Variants in CNTNAP2 observed in about 807,000 individuals in gnomAD.
CNTNAP2 encodes the protein contactin-associated protein-like 2.
CNTNAP2 carries 98 observed loss-of-function variants against 155.2 expected under a neutral mutation model. The ratio of observed to expected loss-of-function variants is 0.63; its 90% CI spans 0.54 to 0.75. CNTNAP2 has a LOEUF of 0.75. Ranked by LOEUF, CNTNAP2 falls within the 30% of genes least tolerant of loss-of-function variation. CNTNAP2 has a pLI of 0.00. For synonymous variants in CNTNAP2, 651 were observed against 631.2 expected (o/e 1.03, Z -0.47); for missense variants, 1,727 against 1,688.1 (o/e 1.02, Z -0.40).
At chr7:147,042,521 T>G (rs1331255958) in intron 3 of CNTNAP2, among the ~76,000 whole-genome samples, 2 of 152,188 alleles carry the variant, frequency 1.3e-5, no homozygotes, top group Non-Finnish European at 2.9e-5. Flanking sequence ...AGCCAGTGCT[T>G]TCAATTCCGA....
intron 9 of CNTNAP2, among the ~76,000 whole-genome samples, chr7:147,347,762 G>A (rs929378420): frequency 1.3e-5 from 2 of 151,888 alleles, no homozygotes; most frequent in African/African-American, 2.4e-5. Flanking sequence ...GAGGCTTTGC[G>A]TTACCTGACC....
intron 10 of CNTNAP2, among the ~76,000 whole-genome samples, chr7:147,440,752 G>GT (rs917690265): frequency 6.6e-6 from 1 of 152,056 alleles, no homozygotes; most frequent in Non-Finnish European, 1.5e-5. Context: ...TAGAGTGAAG[G>GT]TTTTTTCCTT....
intron 13 of CNTNAP2, among the ~76,000 whole-genome samples, chr7:147,852,292 C>T (rs908802339): frequency 2.6e-5 from 4 of 152,188 alleles, no homozygotes; most frequent in African/African-American, 9.6e-5. Flanking sequence ...TCCATCCACT[C>T]TTCCTATTTT....
At chr7:147,511,458 C>T (rs953820778) in intron 11 of CNTNAP2, among the ~76,000 whole-genome samples, 4 of 81,226 alleles carry the variant, frequency 4.9e-5, no homozygotes, top group African/African-American at 1.5e-4. Context: ...TTTAAAACAA[C>T]ATTTTTTTTT....
At chr7:147,553,485 A>G (rs889423317) in intron 11 of CNTNAP2, among the ~76,000 whole-genome samples, 1 of 152,166 alleles carries the variant, frequency 6.6e-6, no homozygotes, top group African/African-American at 2.4e-5. Flanking sequence ...TATCCAGTTT[A>G]TTTTTCTAAA....
intron 1 of CNTNAP2, among the ~76,000 whole-genome samples, chr7:146,413,852 TA>T (rs1418582083): frequency 6.6e-6 from 1 of 152,208 alleles, no homozygotes; most frequent in Non-Finnish European, 1.5e-5. Context: ...TTTTCTTTTT[TA>T]AAAGTTGAGC....
intron 1 of CNTNAP2, among the ~76,000 whole-genome samples, chr7:146,416,253 C>T (rs1795937004): frequency 6.6e-6 from 1 of 150,434 alleles, no homozygotes; most frequent in Non-Finnish European, 1.5e-5. Context: ...AATATATATA[C>T]ACACATATAT....
chr7:146,867,305 G>T (rs1795223914), intron 3 of CNTNAP2, among the ~76,000 whole-genome samples: 1 of 152,070 alleles, frequency 6.6e-6, no homozygotes, highest in African/African-American at 2.4e-5. Flanking sequence ...GTTTGCTAAG[G>T]ATGATGACCT....
chr7:148,274,562 G>A (rs1304479809), intron 21 of CNTNAP2, among the ~76,000 whole-genome samples: 1 of 152,176 alleles, frequency 6.6e-6, no homozygotes, highest in African/African-American at 2.4e-5. Flanking sequence ...ACAAAACCTG[G>A]ATGTTTAAGT....
Position 148,419,293 on chromosome 7 carries a change from G to T in CNTNAP2, c.*3677G>T, listed in dbSNP as rs758113507. 2.0e-5 allele frequency: 3 copies of T among 152,112 alleles called. No homozygotes were observed. The highest frequency in any genetic ancestry group is 4.4e-5 in the Non-Finnish European group (3 of 68,036). The allele number at this position is 152,112 out of a possible 1,614,324, so 9.4% of individuals were successfully genotyped here. On this transcript the variant is annotated 3_prime_UTR_variant, in exon 24 of 24. Transcript: ENST00000361727. The stretch of plus-strand genomic sequence containing the variant: ...TATTAAATTGAATTCAAGTAAGCCA[G>T]CCAAAGATAGGTCCTAAATTGCTAG...
At chr7:147,755,457 C>T (rs9655719) in intron 13 of CNTNAP2, among the ~76,000 whole-genome samples, 1,954 of 152,180 alleles carry the variant, frequency 0.013, 34 homozygotes, top group African/African-American at 0.043. Context: ...GAGTTTGAGA[C>T]CAACCTGCTC....
chr7:148,246,518 G>T (rs1796266243), intron 20 of CNTNAP2, among the ~76,000 whole-genome samples: 1 of 152,004 alleles, frequency 6.6e-6, no homozygotes, highest in African/African-American at 2.4e-5. Flanking sequence ...AAGCAACTGG[G>T]GTTGCTTTAC....
At chr7:148,375,774 C>CTCATAATATCACATCGCCCTCCCCAA (rs1585319970) in intron 21 of CNTNAP2, among the ~76,000 whole-genome samples, 9 of 76,570 alleles carry the variant, frequency 1.2e-4, no homozygotes, top group South Asian at 8.0e-4. Flanking sequence ...GCAGGTGGAT[C>CTCATAATATCACATCGCCCTCCCCAA]ACGAGGTCAG....
chr7:146,628,180 A>G (rs1010233354), intron 1 of CNTNAP2, among the ~76,000 whole-genome samples: 1 of 152,168 alleles, frequency 6.6e-6, no homozygotes, highest in Non-Finnish European at 1.5e-5. Context: ...CTATCACCTC[A>G]GCATGCAGAC....
chr7:146,279,799 TG>T (rs1800221625), intron 1 of CNTNAP2, among the ~76,000 whole-genome samples: 1 of 151,666 alleles, frequency 6.6e-6, no homozygotes, highest in African/African-American at 2.4e-5. Context: ...AAAAATAATA[TG>T]CATAATAATT....
At chr7:146,767,805 A>G (rs2129184906) in intron 1 of CNTNAP2, among the ~76,000 whole-genome samples, 1 of 152,270 alleles carries the variant, frequency 6.6e-6, no homozygotes, top group Non-Finnish European at 1.5e-5. Context: ...ACTGGGTCAA[A>G]ACAGGAAAAG....
intron 1 of CNTNAP2, among the ~76,000 whole-genome samples, chr7:146,456,626 A>G (rs1485686036): frequency 6.6e-6 from 1 of 152,136 alleles, no homozygotes; most frequent in Non-Finnish European, 1.5e-5. Context: ...TTTAATTTTT[A>G]ATTAATCTTC....
intron 13 of CNTNAP2, among the ~76,000 whole-genome samples, chr7:147,835,849 A>T (rs542394846): frequency 4.5e-4 from 68 of 152,270 alleles, no homozygotes; most frequent in African/African-American, 1.6e-3. Flanking sequence ...CCATGTGAAG[A>T]GAGAGGAAGA....
At chr7:147,510,266 A>G (rs980662374) in intron 11 of CNTNAP2, among the ~76,000 whole-genome samples, 4 of 152,204 alleles carry the variant, frequency 2.6e-5, no homozygotes, top group Non-Finnish European at 4.4e-5. Flanking sequence ...CCCAGTATTT[A>G]GTGGCCTTTT....
Sources: allele counts gnomAD v4.1 joint callset (sites outside exome capture counted in the v4.1 genomes callset), GRCh38; gene constraint gnomAD v4.1.1; transcripts MANE v1.5; gene names NCBI Gene and HGNC (gene_info 2026-07-23, HGNC 2026-07-21).